The following FMO4 variants were observed in gnomAD, a reference collection of about 807,000 sequenced individuals.
The protein encoded by FMO4 is dimethylaniline monooxygenase [N-oxide-forming] 4.
A neutral mutation model predicts 43.3 loss-of-function variants in FMO4; 38 were observed. That is an observed-to-expected ratio of 0.88 (90% CI 0.68 to 1.15). FMO4 has a LOEUF of 1.15. Among genes scored for constraint, FMO4 ranks in the 50% most tolerant of loss-of-function variants. The pLI is 0.00. For missense variants in FMO4, 631 were observed against 663.3 expected (o/e 0.95, Z 0.54); for synonymous variants, 224 against 232.2 (o/e 0.96, Z 0.32).
rs773268227 is a variant in FMO4, at chr1:171,323,171, C to T, written c.300C>T (p.Leu100=). The change falls in exon 4 of 10, where the codon CTC becomes CTT. Residue 100 remains leucine, a synonymous_variant. Coordinates refer to ENST00000367749, the MANE Select transcript of FMO4 (RefSeq NM_002022.3). ...AAGAATTTGCTGAGCACTTTGACCTCCTGAAATACATTCAGTTTAAGGTAA... is the reference window on the plus strand; with the variant it reads ...AAGAATTTGCTGAGCACTTTGACCTTCTGAAATACATTCAGTTTAAGGTAA... ...YLQEFAEHFD[L]LKYIQFKTTV... 2.5e-6 allele frequency: 4 copies of T among 1,612,774 alleles called. No individual in the cohort carries two copies. The East Asian group carries it at 8.9e-5, about 36-fold the overall frequency.
At chr1:171,315,129 T>C (rs2101868219) in intron 1 of FMO4, among the ~76,000 whole-genome samples, 1 of 152,214 alleles carries the variant, frequency 6.6e-6, no homozygotes, top group South Asian at 2.1e-4. Context: ...CCGTCTCTAC[T>C]AAAAATACAA....
intron 3 of FMO4, among the ~76,000 whole-genome samples, 179 bp from the exon 4 acceptor site, chr1:171,322,825 C>A (rs1662489568): frequency 6.6e-6 from 1 of 152,132 alleles, no homozygotes; most frequent in South Asian, 2.1e-4. Context: ...TGCACTCTAG[C>A]CTGGGTGATA....
chr1:171,321,950 AAG>A (rs1358221199), intron 3 of FMO4, among the ~76,000 whole-genome samples: 1 of 152,214 alleles, frequency 6.6e-6, no homozygotes, highest in African/African-American at 2.4e-5. Context: ...ACAGCTAAGA[AAG>A]AGGCTTAAGG....
Position 171,334,722 on chromosome 1 carries a change from G to A in FMO4, c.1139G>A (p.Gly380Asp), listed in dbSNP as rs1477621968. 1 of 1,599,994 alleles carries A rather than the reference G, an allele frequency of 6.3e-7. No individual in the cohort carries two copies. The highest frequency in any genetic ancestry group is 8.5e-7 in the Non-Finnish European group (1 of 1,175,866). ...GGCCTTAAAGGATCCATCTTATCAG[G>A]CACAGAGCTCCAAGCACGATGGGTC... Reference protein sequence around the residue: ...LIGLKGSILSGTELQARWVTR... With the variant: ...LIGLKGSILSDTELQARWVTR... Residue 380 changes from glycine to aspartate, a missense_variant, in exon 8 of 10, where the codon GGC becomes GAC. Gly to Asp is a moderately conservative substitution (Grantham distance 94). Coordinates refer to ENST00000367749, the MANE Select transcript of FMO4 (RefSeq NM_002022.3).
intron 3 of FMO4, among the ~76,000 whole-genome samples, chr1:171,322,716 G>T (rs1662483476): frequency 6.6e-6 from 1 of 152,096 alleles, no homozygotes; most frequent in African/African-American, 2.4e-5. Context: ...AGCCAGGCAT[G>T]GTGGCACACA....
intron 9 of FMO4, among the ~76,000 whole-genome samples, chr1:171,340,915 T>A (rs868613577): frequency 4.6e-5 from 7 of 152,084 alleles, no homozygotes; most frequent in African/African-American, 1.4e-4. Flanking sequence ...AATTAAGATT[T>A]TAGGGCTTTT....
rs774669992 is a variant in FMO4 at position 171,341,887 on chromosome 1, A to G, written c.*48A>G. 1 of 1,482,640 alleles carries G rather than the reference A, an allele frequency of 6.7e-7. No homozygotes were observed. Among genetic ancestry groups the G allele is most frequent in the Admixed American group, 1.8e-5 (1 of 55,560 alleles). 91.8% of individuals were successfully genotyped at this position (1,482,640 alleles called of 1,614,324 possible). A position where few individuals can be genotyped will look rare whatever the true frequency, so the allele number is the denominator to read the frequency against. Reference sequence around the variant, plus strand: ...ACAAAGTCATGCTAATTCTATCTCCAAGTATCTTGTGCATCCCTCCTCTGC... The same window carrying G: ...ACAAAGTCATGCTAATTCTATCTCCGAGTATCTTGTGCATCCCTCCTCTGC... On this transcript the variant is annotated 3_prime_UTR_variant, in exon 10 of 10. Transcript: ENST00000367749.
intron 2 of FMO4, among the ~76,000 whole-genome samples, chr1:171,319,571 C>CTGAA (rs1490209829): frequency 6.6e-6 from 1 of 152,156 alleles, no homozygotes; most frequent in African/African-American, 2.4e-5. Flanking sequence ...TCACATTTTA[C>CTGAA]AGGTGAGAAA....
At chr1:171,338,339 C>G (rs1663206397) in intron 9 of FMO4, among the ~76,000 whole-genome samples, 1 of 152,100 alleles carries the variant, frequency 6.6e-6, no homozygotes, top group African/African-American at 2.4e-5. Context: ...ACAATCTAGG[C>G]TTGTCACAGC....
At chr1:171,322,329 G>A (rs1662469239) in intron 3 of FMO4, among the ~76,000 whole-genome samples, 1 of 152,196 alleles carries the variant, frequency 6.6e-6, no homozygotes, top group South Asian at 2.1e-4. Flanking sequence ...GGGCATGAGT[G>A]GAGGGAGTAG....
At chr1:171,321,337 T>G (rs1662415372) in intron 3 of FMO4, among the ~76,000 whole-genome samples, 1 of 152,184 alleles carries the variant, frequency 6.6e-6, no homozygotes, top group Admixed American at 6.5e-5. Flanking sequence ...TGTCTCTTGG[T>G]GTCCGTGGGG....
At chr1:171,323,429 C>T (rs533677321) in intron 4 of FMO4, among the ~76,000 whole-genome samples, 5 of 152,042 alleles carry the variant, frequency 3.3e-5, no homozygotes, top group Non-Finnish European at 5.9e-5. Flanking sequence ...TTTGGAAGGC[C>T]GAGGCAGGCA....
intron 5 of FMO4, among the ~76,000 whole-genome samples, chr1:171,329,033 T>G (rs530911804): frequency 7.9e-5 from 12 of 152,312 alleles, no homozygotes; most frequent in Admixed American, 1.3e-4. Flanking sequence ...GCACCTGCTA[T>G]GAGCTGACAG....
At chr1:171,329,871 G>T (rs1662825277) in intron 5 of FMO4, among the ~76,000 whole-genome samples, 1 of 152,176 alleles carries the variant, frequency 6.6e-6, no homozygotes, top group African/African-American at 2.4e-5. Context: ...GGGAACTATT[G>T]TTTACTGTCC....
intron 9 of FMO4, among the ~76,000 whole-genome samples, chr1:171,340,308 T>A (rs1663318203): frequency 6.6e-6 from 1 of 152,214 alleles, no homozygotes; most frequent in Non-Finnish European, 1.5e-5. Context: ...AGCTACTGTA[T>A]GCAAAGTCCG....
chr1:171,331,272 A>G (rs930541956), intron 5 of FMO4, among the ~76,000 whole-genome samples: 1 of 152,232 alleles, frequency 6.6e-6, no homozygotes, highest in East Asian at 1.9e-4. Flanking sequence ...CCACAGTTGG[A>G]TATAATACTT....
chr1:171,328,441 A>G (rs987237323), intron 5 of FMO4, among the ~76,000 whole-genome samples: 1 of 151,376 alleles, frequency 6.6e-6, no homozygotes, highest in Non-Finnish European at 1.5e-5. Flanking sequence ...ACTTGAGGCC[A>G]GGAGTTTGAG....
chr1:171,317,790 TG>T (rs1428847745), intron 2 of FMO4, among the ~76,000 whole-genome samples: 1 of 152,170 alleles, frequency 6.6e-6, no homozygotes, highest in African/African-American at 2.4e-5. Flanking sequence ...CCTCAACCCA[TG>T]TAATATCCTT....
chr1:171,333,969 G>T (rs1663005794), intron 7 of FMO4, among the ~76,000 whole-genome samples: 2 of 152,022 alleles, frequency 1.3e-5, no homozygotes, highest in Non-Finnish European at 2.9e-5. Context: ...GACTACAGGT[G>T]CAGGCCACCA....
Sources: gnomAD v4.1 joint callset for allele counts (sites outside exome capture counted in the v4.1 genomes callset) on GRCh38, gnomAD v4.1.1 for gene constraint, MANE v1.5 for transcripts, NCBI Gene and HGNC (gene_info 2026-07-23, HGNC 2026-07-21) for gene names.